CRHR2: variants seen among roughly 807,000 people sequenced by gnomAD.
CRHR2 encodes corticotropin releasing hormone receptor 2.
CRHR2 carries 53 observed loss-of-function variants against 57.9 expected under a neutral mutation model. That is an observed-to-expected ratio of 0.92 (90% CI 0.73 to 1.15). The LOEUF (loss-of-function observed/expected upper bound fraction) is 1.15. Ranked by LOEUF, CRHR2 falls within the 50% of genes most tolerant of loss-of-function variation. CRHR2 has a pLI of 0.00. For missense variants in CRHR2, 532 were observed against 542.6 expected (o/e 0.98, Z 0.19); for synonymous variants, 213 against 220.9 (o/e 0.96, Z 0.32).
rs758667239 is a variant in CRHR2, at chr7:30,665,019, C to T, written c.543+51G>A. 2 of 1,493,650 alleles carry T rather than the reference C, an allele frequency of 1.3e-6. No individual in the cohort carries two copies. Among genetic ancestry groups the T allele is most frequent in the African/African-American group, 1.4e-5 (1 of 72,312 alleles). The allele number at this position is 1,493,650 out of a possible 1,614,324, so 92.5% of individuals were successfully genotyped here. A position where few individuals can be genotyped will look rare whatever the true frequency, so the allele number is the denominator to read the frequency against. The stretch of plus-strand genomic sequence containing the variant: ...AGACCAGACAGACAGATGGGTGCCC[C>T]CGGAGCCCAGAGCCCCCCAGGTATA... On this transcript the variant is annotated intron_variant, in intron 5 of 11. Transcript: ENST00000471646. This position sits in a 1 kb window ranked among gnomAD's most constrained non-coding sequence, Gnocchi z 4.5.
At chr7:30,676,285 C>T (rs1009050499) in intron 2 of CRHR2, among the ~76,000 whole-genome samples, 2 of 152,170 alleles carry the variant, frequency 1.3e-5, no homozygotes, top group African/African-American at 2.4e-5. Context: ...TCTGTGATGG[C>T]CATGCCTGTC....
At chr7:30,674,696 C>A (rs1784462469) in intron 2 of CRHR2, among the ~76,000 whole-genome samples, 1 of 152,146 alleles carries the variant, frequency 6.6e-6, no homozygotes, top group African/African-American at 2.4e-5. Flanking sequence ...ACCAGACCTT[C>A]TCAATCTAGA....
At position 30,654,360 on chromosome 7, in the gene CRHR2, G is replaced by A. The variant is rs796913223; in HGVS notation, c.1095+679C>T. Among the ~76,000 whole-genome samples the A allele has an allele frequency of 2.0e-5, 3 of 152,308 alleles. 1 individual carries two copies. Among genetic ancestry groups the A allele is most frequent in the African/African-American group, 7.2e-5 (3 of 41,566 alleles). On this transcript the variant is annotated intron_variant, in intron 11 of 11. Transcript: ENST00000471646. ...TGCTGATGGACTTTGCAAGTGGAATGTGCTATCATCCACAGAGACACAGGC... is the reference window on the plus strand; with the variant it reads ...TGCTGATGGACTTTGCAAGTGGAATATGCTATCATCCACAGAGACACAGGC...
intron 1 of CRHR2, chr7:30,699,848 G>A (rs906780424): frequency 9.9e-6 from 9 of 905,880 alleles, no homozygotes; most frequent in Admixed American, 3.5e-5. Flanking sequence ...ATCCAGCCCA[G>A]CCACCAGGCC....
intron 2 of CRHR2, among the ~76,000 whole-genome samples, chr7:30,673,837 A>C (rs181172207): frequency 6.6e-6 from 1 of 152,244 alleles, no homozygotes; most frequent in Admixed American, 6.5e-5. Context: ...TCAGAGGGGA[A>C]CAGGCAGCTG....
upstream of CRHR2, among the ~76,000 whole-genome samples, chr7:30,683,843 C>A (rs1269589945): frequency 2.0e-5 from 3 of 152,232 alleles, no homozygotes; most frequent in African/African-American, 7.2e-5. Context: ...TCCACATAAA[C>A]CTAAGCTGCT....
chr7:30,694,228 C>A (rs911866917), intron 1 of CRHR2, among the ~76,000 whole-genome samples: 10 of 152,248 alleles, frequency 6.6e-5, no homozygotes, highest in African/African-American at 2.4e-4. Flanking sequence ...ATATTTCCTT[C>A]TCTCTGAACT....
intron 2 of CRHR2, among the ~76,000 whole-genome samples, chr7:30,671,289 CATCCTG>C (rs1429091939): frequency 6.6e-6 from 1 of 152,210 alleles, no homozygotes; most frequent in Non-Finnish European, 1.5e-5. Flanking sequence ...CAACTCCAAG[CATCCTG>C]ACATCACCAT....
rs1487879301 is a variant in CRHR2 at position 30,675,787 on chromosome 7, C to A, written c.229+6128G>T. Reference sequence around the variant, plus strand: ...ACTTGGGAGCCTATATCAAAAAGTTCTCTTTGAGAGTCTGCCTGTCTGTCA... The same window carrying A: ...ACTTGGGAGCCTATATCAAAAAGTTATCTTTGAGAGTCTGCCTGTCTGTCA... On this transcript the variant is annotated intron_variant, in intron 2 of 11. Coordinates refer to ENST00000471646, the MANE Select transcript of CRHR2 (RefSeq NM_001883.5). Among the ~76,000 whole-genome samples the A allele has an allele frequency of 2.6e-5, 4 of 152,220 alleles. No individual in the cohort carries two copies. The East Asian group carries it at 7.7e-4, about 29-fold the overall frequency.
rs8192497 is a variant in CRHR2, at chr7:30,662,630, A to G, written c.697+64T>C. ...GGCTCTGGTCCTTGGACCCAAGACG[A>G]AGGGAAATGGCCTGGTGAGAAGTCC... On this transcript the variant is annotated intron_variant, in intron 6 of 11. Coordinates refer to ENST00000471646, the MANE Select transcript of CRHR2 (RefSeq NM_001883.5). The G allele has an allele frequency of 2.1e-3, 3,253 of 1,569,598 alleles. 27 individuals carry two copies. In the East Asian group the frequency reaches 0.028, roughly 13 times the overall value.
chr7:30,653,087 A>G lies in CRHR2; in HGVS notation c.*373T>C. On this transcript the variant is annotated 3_prime_UTR_variant, in exon 12 of 12. Coordinates refer to ENST00000471646, the MANE Select transcript of CRHR2 (RefSeq NM_001883.5). The surrounding 1 kb of genome is among the most constrained non-coding windows in gnomAD (Gnocchi z 5.0). ...CCATTGCCTGGCTGCTGGCTCCATG[A>G]GTAGGGCAGGGGAGCCCTGTGTCTG... 1 of 195,208 alleles carries G rather than the reference A, an allele frequency of 5.1e-6. No homozygotes were observed. The highest frequency in any genetic ancestry group is 1.1e-5 in the Non-Finnish European group (1 of 94,968). 12.1% of individuals were successfully genotyped at this position (195,208 alleles called of 1,614,324 possible).
chr7:30,674,904 C>T (rs1484619454), intron 2 of CRHR2, among the ~76,000 whole-genome samples: 1 of 152,156 alleles, frequency 6.6e-6, no homozygotes, highest in Non-Finnish European at 1.5e-5. Flanking sequence ...CTGACAATGC[C>T]TTAGCTGTCT....
In CRHR2 at chr7:30,653,746, A is replaced by G. The variant is rs1024628630; in HGVS notation, c.1096-146T>C. 2 of 977,260 alleles carry G rather than the reference A, an allele frequency of 2.0e-6. No homozygotes were observed. Among genetic ancestry groups the G allele is most frequent in the Admixed American group, 6.0e-5 (2 of 33,090 alleles). 60.5% of individuals were successfully genotyped at this position (977,260 alleles called of 1,614,324 possible). A position where few individuals can be genotyped will look rare whatever the true frequency, so the allele number is the denominator to read the frequency against. On this transcript the variant is annotated intron_variant, in intron 11 of 11. Coordinates refer to ENST00000471646, the MANE Select transcript of CRHR2 (RefSeq NM_001883.5). This position sits in a 1 kb window ranked among gnomAD's most constrained non-coding sequence, Gnocchi z 5.0. ...TGCTTCCAAAACAGGTCCTTCCCTG[A>G]TGCTGTTGCCTCTCTCCAGGGGCCT...
chr7:30,678,185 A>T (rs978216545), intron 2 of CRHR2, among the ~76,000 whole-genome samples: 8 of 152,280 alleles, frequency 5.3e-5, no homozygotes, highest in South Asian at 2.1e-4. Flanking sequence ...ATATCTTTTT[A>T]AAAAATTTCT....
At chr7:30,690,514 C>A (rs1784940285) in intron 1 of CRHR2, among the ~76,000 whole-genome samples, 1 of 152,168 alleles carries the variant, frequency 6.6e-6, no homozygotes, top group Non-Finnish European at 1.5e-5. Context: ...GAAGACACTG[C>A]TCCATCAGTG....
At chr7:30,698,219 G>A (rs1785094911) in intron 1 of CRHR2, 1 of 152,314 alleles carries the variant, frequency 6.6e-6, no homozygotes, top group South Asian at 2.1e-4. Flanking sequence ...CTTACATGCT[G>A]AGTGGCTGTG....
rs1389816862 is a variant in CRHR2, at chr7:30,655,036, T to A, written c.1095+3A>T. The stretch of plus-strand genomic sequence containing the variant: ...AGGCCACCCCGAGGGCCCAGCTTCA[T>A]ACCTCTCCATTGAAGAAGCAGTAGA... On this transcript the variant is annotated splice_donor_region_variant and intron_variant, in intron 11 of 11. Coordinates refer to ENST00000471646, the MANE Select transcript of CRHR2 (RefSeq NM_001883.5). 1 of 1,613,084 alleles carries A rather than the reference T, an allele frequency of 6.2e-7. No individual in the cohort carries two copies. The highest frequency in any genetic ancestry group is 8.5e-7 in the Non-Finnish European group (1 of 1,179,452).
intron 2 of CRHR2, among the ~76,000 whole-genome samples, chr7:30,681,398 T>G (rs980245943): frequency 1.3e-5 from 2 of 152,182 alleles, no homozygotes; most frequent in African/African-American, 2.4e-5. Flanking sequence ...AACCTACGCC[T>G]GCATGTCCTC....
chr7:30,677,517 G>T (rs997325488), intron 2 of CRHR2, among the ~76,000 whole-genome samples: 2 of 152,172 alleles, frequency 1.3e-5, no homozygotes, highest in African/African-American at 4.8e-5. Flanking sequence ...TGGACATTTA[G>T]GATTGTTTCT....
Sources: allele counts gnomAD v4.1 joint callset (sites outside exome capture counted in the v4.1 genomes callset), GRCh38; gene constraint gnomAD v4.1.1; non-coding constraint Gnocchi (gnomAD v3.1); transcripts MANE v1.5; gene names NCBI Gene and HGNC (gene_info 2026-07-23, HGNC 2026-07-21).